ZNF804B: variants seen among roughly 807,000 people sequenced by gnomAD.
The protein encoded by ZNF804B is zinc finger protein 804B, also known as zinc finger 804B.
In ZNF804B, 80 loss-of-function variants were observed where a neutral mutation model predicts 101.4. The observed-to-expected ratio is 0.79, with a 90% CI of 0.66 to 0.95. ZNF804B has a LOEUF of 0.95. Ranked by LOEUF, ZNF804B falls within the 40% of genes least tolerant of loss-of-function variation. The pLI is 0.00. For synonymous variants in ZNF804B, 622 were observed against 558.8 expected (o/e 1.11, Z -1.59); for missense variants, 1,673 against 1,561.9 (o/e 1.07, Z -1.20).
intron 1 of ZNF804B, among the ~76,000 whole-genome samples, chr7:88,764,168 C>T (rs72612702): frequency 0.037 from 5,637 of 151,906 alleles, 297 homozygotes; most frequent in East Asian, 0.28. Flanking sequence ...AATGTAGTGC[C>T]GTTAATAGTG....
At chr7:89,183,236 A>G (rs1468543194) in intron 1 of ZNF804B, among the ~76,000 whole-genome samples, 1 of 152,140 alleles carries the variant, frequency 6.6e-6, no homozygotes, top group Non-Finnish European at 1.5e-5. Flanking sequence ...TGACAGGAAC[A>G]TAAGCTATGT....
intron 1 of ZNF804B, among the ~76,000 whole-genome samples, chr7:88,896,676 T>C (rs1380456556): frequency 6.6e-6 from 1 of 152,192 alleles, no homozygotes; most frequent in Admixed American, 6.5e-5. Context: ...GAGAGGTTTC[T>C]CTGGGAGGTA....
intron 1 of ZNF804B, among the ~76,000 whole-genome samples, chr7:88,922,631 A>C (rs1311184750): frequency 6.6e-6 from 1 of 151,880 alleles, no homozygotes. Flanking sequence ...ATATATACAC[A>C]CACACTTTTT....
chr7:88,887,115 G>T (rs1792138923), intron 1 of ZNF804B, among the ~76,000 whole-genome samples: 1 of 152,144 alleles, frequency 6.6e-6, no homozygotes, highest in Non-Finnish European at 1.5e-5. Context: ...ATGCTGACAA[G>T]ATTGCGGAGA....
intron 1 of ZNF804B, among the ~76,000 whole-genome samples, chr7:88,871,449 T>A (rs1791821863): frequency 6.6e-6 from 1 of 152,048 alleles, no homozygotes; most frequent in Non-Finnish European, 1.5e-5. Context: ...AAAAGTGCTT[T>A]TAAAATTTTT....
At chr7:89,318,799 C>T (rs149173686) in intron 2 of ZNF804B, among the ~76,000 whole-genome samples, 2 of 152,116 alleles carry the variant, frequency 1.3e-5, no homozygotes, top group Non-Finnish European at 2.9e-5. Context: ...AACCCAGCGG[C>T]GCTAGAGGAA....
intron 1 of ZNF804B, among the ~76,000 whole-genome samples, chr7:89,165,024 T>A (rs1465296804): frequency 6.6e-6 from 1 of 152,120 alleles, no homozygotes; most frequent in Non-Finnish European, 1.5e-5. Context: ...GAAAATGTGA[T>A]TCATTAAGAG....
At chr7:89,215,666 G>A (rs1485430612) in intron 1 of ZNF804B, among the ~76,000 whole-genome samples, 5 of 151,386 alleles carry the variant, frequency 3.3e-5, no homozygotes, top group Non-Finnish European at 7.4e-5. Flanking sequence ...GGCGCATCAC[G>A]AGGTCCGGAG....
chr7:88,765,952 A>G (rs1789976805), intron 1 of ZNF804B, among the ~76,000 whole-genome samples: 1 of 152,176 alleles, frequency 6.6e-6, no homozygotes, highest in Admixed American at 6.5e-5. Context: ...CTTAGACAGC[A>G]TTTTCAGTTG....
At chr7:89,267,313 T>A (rs1022472600) in intron 2 of ZNF804B, among the ~76,000 whole-genome samples, 3 of 152,186 alleles carry the variant, frequency 2.0e-5, no homozygotes, top group Admixed American at 1.3e-4. Context: ...CTACACCTTT[T>A]ATAGTAGCTA....
At chr7:88,967,244 A>AC (rs11380734) in intron 1 of ZNF804B, among the ~76,000 whole-genome samples, 151,648 of 151,648 alleles carry the variant, frequency 1, 75,824 homozygotes, top group Non-Finnish European at 1. Context: ...TGGCTGGGGG[A>AC]CCTCAGGAGA....
chr7:89,108,713 G>A (rs1454547173), intron 1 of ZNF804B, among the ~76,000 whole-genome samples: 1 of 152,084 alleles, frequency 6.6e-6, no homozygotes, highest in Non-Finnish European at 1.5e-5. Flanking sequence ...AGAAGGCCTG[G>A]CAGGAGACAA....
intron 1 of ZNF804B, among the ~76,000 whole-genome samples, chr7:88,925,987 G>A (rs370650012): frequency 4.9e-4 from 74 of 152,260 alleles, no homozygotes; most frequent in East Asian, 2.5e-3. Context: ...GATGTTGGGA[G>A]ACCTGCCCAT....
At chr7:89,327,219 C>A (rs1413088819) in intron 2 of ZNF804B, 125 bp from the exon 3 acceptor site, 5 of 829,096 alleles carry the variant, frequency 6.0e-6, no homozygotes, top group Non-Finnish European at 8.6e-6. Flanking sequence ...GGAGAAGATA[C>A]TTTTACTCTT....
At chr7:88,929,649 GT>G (rs1348821314) in intron 1 of ZNF804B, among the ~76,000 whole-genome samples, 1 of 151,804 alleles carries the variant, frequency 6.6e-6, no homozygotes, top group African/African-American at 2.4e-5. Flanking sequence ...GATAGTATTG[GT>G]TTGCTGTAAA....
intron 2 of ZNF804B, among the ~76,000 whole-genome samples, chr7:89,289,486 GCCACCCCTTTC>G (rs1002450752): frequency 2.0e-5 from 3 of 152,278 alleles, no homozygotes; most frequent in Admixed American, 6.5e-5. Context: ...AATTGCTAAT[GCCACCCCTTTC>G]CCACCCCTAG....
intron 2 of ZNF804B, among the ~76,000 whole-genome samples, chr7:89,263,466 T>G (rs1789739832): frequency 6.6e-6 from 1 of 152,176 alleles, no homozygotes; most frequent in African/African-American, 2.4e-5. Context: ...GACAAAATAA[T>G]GTCTATGAAT....
chr7:88,878,490 G>T (rs917719817), intron 1 of ZNF804B, among the ~76,000 whole-genome samples: 1 of 152,142 alleles, frequency 6.6e-6, no homozygotes. Flanking sequence ...AAGGGTGTCT[G>T]CCTGATGAGA....
chr7:89,052,071 C>A (rs1584096634), intron 1 of ZNF804B, among the ~76,000 whole-genome samples: 1 of 151,976 alleles, frequency 6.6e-6, no homozygotes, highest in Non-Finnish European at 1.5e-5. Context: ...ATGGATTATG[C>A]ATTTTCTTTC....
Sources: gnomAD v4.1 joint callset for allele counts (sites outside exome capture counted in the v4.1 genomes callset) on GRCh38, gnomAD v4.1.1 for gene constraint, MANE v1.5 for transcripts, NCBI Gene and HGNC (gene_info 2026-07-23, HGNC 2026-07-21) for gene names.